Variants in PIGU observed in about 807,000 individuals in gnomAD.
PIGU encodes the protein GPI-anchor transamidase component PIGU.
PIGU carries 24 observed loss-of-function variants against 49.9 expected under a neutral mutation model. The ratio of observed to expected loss-of-function variants is 0.48; its 90% CI spans 0.35 to 0.68. The LOEUF is 0.68. Ranked by LOEUF, PIGU falls within the 30% of genes least tolerant of loss-of-function variation. The pLI is 0.01. For missense variants in PIGU, 490 were observed against 532.6 expected, an observed-to-expected ratio of 0.92 and a Z score of 0.79; for synonymous variants, 220 against 205.7, an observed-to-expected ratio of 1.07 and a Z score of -0.59.
intron 7 of PIGU, among the ~76,000 whole-genome samples, chr20:34,597,044 G>A (rs1354529110): frequency 6.6e-6 from 1 of 152,146 alleles, no homozygotes; most frequent in African/African-American, 2.4e-5. Flanking sequence ...TGGTTGGGGG[G>A]GTTGTAAAAT....
At chr20:34,657,054 G>A in intron 2 of PIGU, 126 bp downstream of exon 2, 1 of 715,310 alleles carries the variant, frequency 1.4e-6, no homozygotes, top group Non-Finnish European at 2.3e-6. Flanking sequence ...CTAAAAACGG[G>A]CTGTTTCTAA....
At chr20:34,653,042 C>T (rs911182436) in intron 2 of PIGU, among the ~76,000 whole-genome samples, 6 of 151,350 alleles carry the variant, frequency 4.0e-5, no homozygotes, top group African/African-American at 9.7e-5. Flanking sequence ...GCACTATCTC[C>T]GCTCACTGCA....
intron 6 of PIGU, among the ~76,000 whole-genome samples, chr20:34,625,375 AAAAAAAAC>A (rs1324710417): frequency 1.5e-4 from 23 of 151,852 alleles, no homozygotes; most frequent in African/African-American, 5.3e-4. Flanking sequence ...TCTCAAAAAA[AAAAAAAAC>A]AAAAAAAAAA....
At position 34,631,733 on chromosome 20, in the gene PIGU, A is replaced by T. The variant is rs1985723959; in HGVS notation, c.529+2882T>A. Among the ~76,000 whole-genome samples, 2 of 910 alleles carry T rather than the reference A, an allele frequency of 2.2e-3. 1 individual carries two copies. Among genetic ancestry groups the T allele is most frequent in the South Asian group, 0.059 (2 of 34 alleles). The allele number at this position is 910 out of a possible 152,430, so 0.6% of individuals were successfully genotyped here. ...CATGTCCGGCTAACCATATATATAT[A>T]TATATATATATATATATATATATAT... On this transcript the variant is annotated intron_variant, in intron 6 of 11. Transcript: ENST00000217446.
chr20:34,640,549 T>C (rs1290766855), intron 4 of PIGU, among the ~76,000 whole-genome samples: 1 of 147,460 alleles, frequency 6.8e-6, no homozygotes, highest in Non-Finnish European at 1.5e-5. Flanking sequence ...CTTAAGAAAA[T>C]ATAAGTATAA....
At chr20:34,640,065 C>T (rs1986099557) in intron 4 of PIGU, among the ~76,000 whole-genome samples, 1 of 152,096 alleles carries the variant, frequency 6.6e-6, no homozygotes, top group Non-Finnish European at 1.5e-5. Context: ...AGAGTTCATC[C>T]AGGGGCAGCC....
intron 7 of PIGU, among the ~76,000 whole-genome samples, chr20:34,608,395 G>A (rs536349184): frequency 1.3e-5 from 2 of 152,166 alleles, no homozygotes; most frequent in Non-Finnish European, 2.9e-5. Flanking sequence ...TTTTTATCCA[G>A]TGTTTTATAA....
chr20:34,561,681 G>A (rs993343603), intron 11 of PIGU, among the ~76,000 whole-genome samples: 8 of 152,078 alleles, frequency 5.3e-5, no homozygotes, highest in Admixed American at 1.3e-4. Context: ...CAAGCCTTAG[G>A]GCAAAGCTCG....
At chr20:34,596,549 C>T (rs1159250913) in intron 7 of PIGU, among the ~76,000 whole-genome samples, 1 of 151,958 alleles carries the variant, frequency 6.6e-6, no homozygotes, top group East Asian at 1.9e-4. Flanking sequence ...TGCAACTTTT[C>T]CGTAGGTCTA....
chr20:34,620,819 A>C (rs1399222061), intron 6 of PIGU, among the ~76,000 whole-genome samples: 7 of 132,608 alleles, frequency 5.3e-5, no homozygotes, highest in Non-Finnish European at 1.1e-4. Context: ...CAAAAAAAAA[A>C]CAAAAAAAAA....
chr20:34,676,415 T>C (rs1339805516), intron 1 of PIGU, among the ~76,000 whole-genome samples: 1 of 152,194 alleles, frequency 6.6e-6, no homozygotes, highest in Admixed American at 6.5e-5. Flanking sequence ...TATAAAACAA[T>C]GTTCGGTGAA....
chr20:34,624,632 CT>C (rs1424409866), intron 6 of PIGU, among the ~76,000 whole-genome samples: 1 of 152,188 alleles, frequency 6.6e-6, no homozygotes, highest in Non-Finnish European at 1.5e-5. Flanking sequence ...GTCTGTTTTC[CT>C]TTTTAAAGCC....
At chr20:34,660,789 G>A (rs992571203) in intron 1 of PIGU, among the ~76,000 whole-genome samples, 2 of 152,162 alleles carry the variant, frequency 1.3e-5, no homozygotes, top group African/African-American at 4.8e-5. Context: ...AGACTAAGGC[G>A]ACAAAACAAC....
At chr20:34,626,801 T>C (rs1414440476) in intron 6 of PIGU, among the ~76,000 whole-genome samples, 4 of 152,184 alleles carry the variant, frequency 2.6e-5, no homozygotes, top group East Asian at 1.9e-4. Context: ...TCTTTATTAA[T>C]TATCCATGAG....
chr20:34,611,552 A>G (rs1984813057), intron 7 of PIGU, among the ~76,000 whole-genome samples: 1 of 149,384 alleles, frequency 6.7e-6, no homozygotes, highest in Non-Finnish European at 1.5e-5. Context: ...AGGCTGAGGC[A>G]GGAGAATCGC....
intron 11 of PIGU, 85 bp downstream of exon 11, chr20:34,575,019 T>C: frequency 6.5e-7 from 1 of 1,539,538 alleles, no homozygotes; most frequent in Non-Finnish European, 8.9e-7. Flanking sequence ...CCCCCCGGTA[T>C]GCAGAATCCA....
intron 1 of PIGU, among the ~76,000 whole-genome samples, chr20:34,660,801 A>G (rs1986906691): frequency 6.6e-6 from 1 of 152,234 alleles, no homozygotes. Context: ...CAAAACAACT[A>G]AGTGCAAAGT....
intron 10 of PIGU, chr20:34,579,052 CA>C (rs1362469184): frequency 6.6e-6 from 1 of 152,174 alleles, no homozygotes; most frequent in African/African-American, 2.4e-5. Context: ...AGAAGGGGAA[CA>C]GGGGGGATTT....
chr20:34,568,161 A>G (rs1568618956), intron 11 of PIGU, among the ~76,000 whole-genome samples: 1 of 152,202 alleles, frequency 6.6e-6, no homozygotes, highest in South Asian at 2.1e-4. Context: ...GCCAGGACAG[A>G]CAGGGCTGGA....
Sources: allele counts gnomAD v4.1 joint callset (sites outside exome capture counted in the v4.1 genomes callset), GRCh38; gene constraint gnomAD v4.1.1; transcripts MANE v1.5; gene names NCBI Gene and HGNC (gene_info 2026-07-23, HGNC 2026-07-21).